CDH13: variants seen among roughly 807,000 people sequenced by gnomAD.
The protein encoded by CDH13 is cadherin 13.
In CDH13, 24 loss-of-function variants were observed where a neutral mutation model predicts 63.8. The observed-to-expected ratio is 0.38, with a 90% CI of 0.27 to 0.53. CDH13 has a LOEUF of 0.53. Among genes scored for constraint, CDH13 ranks in the 20% least tolerant of loss-of-function variants. The probability of loss-of-function intolerance (pLI) is 0.85; values close to 1 mark genes in which losing one functional copy is unlikely to be tolerated. For synonymous variants in CDH13, 503 were observed against 355.3 expected, an observed-to-expected ratio of 1.42 and a Z score of -4.67; for missense variants, 1,049 against 903.1, an observed-to-expected ratio of 1.16 and a Z score of -2.07.
chr16:83,560,105 A>T (rs1277514590), intron 7 of CDH13, among the ~76,000 whole-genome samples: 1 of 152,094 alleles, frequency 6.6e-6, no homozygotes, highest in Non-Finnish European at 1.5e-5. Flanking sequence ...TTATGTGATG[A>T]ATACGTATTG....
At chr16:83,103,818 C>T (rs1012094624) in intron 3 of CDH13, among the ~76,000 whole-genome samples, 2 of 152,176 alleles carry the variant, frequency 1.3e-5, no homozygotes, top group Admixed American at 6.5e-5. Flanking sequence ...AAAATGCACA[C>T]AGTAAGTGCT....
At chr16:83,493,991 G>A (rs547601818) in intron 7 of CDH13, among the ~76,000 whole-genome samples, 1 of 152,162 alleles carries the variant, frequency 6.6e-6, no homozygotes, top group South Asian at 2.1e-4. Context: ...CAGTCCGTAG[G>A]TATTTTCTTT....
chr16:82,674,426 G>T (rs1416862763), intron 1 of CDH13, among the ~76,000 whole-genome samples: 1 of 152,214 alleles, frequency 6.6e-6, no homozygotes, highest in East Asian at 1.9e-4. Context: ...AGGGGCATGA[G>T]AAGTGTTAGC....
At chr16:83,436,368 G>A (rs1433293911) in intron 6 of CDH13, among the ~76,000 whole-genome samples, 1 of 152,132 alleles carries the variant, frequency 6.6e-6, no homozygotes, top group South Asian at 2.1e-4. Flanking sequence ...TCTCTCTAGA[G>A]GCTGGAGAGG....
At chr16:83,480,554 G>A (rs950417995) in intron 6 of CDH13, among the ~76,000 whole-genome samples, 4 of 152,164 alleles carry the variant, frequency 2.6e-5, no homozygotes, top group African/African-American at 9.7e-5. Context: ...CCAGTTGAGT[G>A]AATGGCTGTA....
At chr16:83,387,607 G>A (rs1349436248) in intron 6 of CDH13, among the ~76,000 whole-genome samples, 5 of 152,212 alleles carry the variant, frequency 3.3e-5, no homozygotes, top group Non-Finnish European at 7.3e-5. Context: ...TTCATTAAGA[G>A]CTACAAAATT....
chr16:82,743,896 G>A (rs965287842), intron 1 of CDH13, among the ~76,000 whole-genome samples: 16 of 152,260 alleles, frequency 1.1e-4, no homozygotes, highest in Middle Eastern at 3.4e-3. Flanking sequence ...TTTTTTACAG[G>A]AAATTTTGAA....
intron 7 of CDH13, among the ~76,000 whole-genome samples, chr16:83,573,248 A>G (rs1429745738): frequency 6.6e-6 from 1 of 152,212 alleles, no homozygotes; most frequent in Admixed American, 6.5e-5. Context: ...GTGGCTTCCA[A>G]CAAGTGAACT....
intron 2 of CDH13, among the ~76,000 whole-genome samples, chr16:82,981,121 A>G (rs1195550259): frequency 6.6e-6 from 1 of 152,120 alleles, no homozygotes; most frequent in Non-Finnish European, 1.5e-5. Flanking sequence ...CTATGGGAAT[A>G]TTTTCCATTG....
At chr16:83,170,248 G>C (rs1439588117) in intron 4 of CDH13, among the ~76,000 whole-genome samples, 1 of 151,856 alleles carries the variant, frequency 6.6e-6, no homozygotes, top group Non-Finnish European at 1.5e-5. Context: ...ATTATTTTTT[G>C]CTTTGATTTT....
intron 3 of CDH13, among the ~76,000 whole-genome samples, chr16:83,045,634 T>TAAAAAAAAAAAAAAAAAAAA (rs71382861): frequency 9.3e-5 from 10 of 107,914 alleles, no homozygotes; most frequent in African/African-American, 3.3e-4. Flanking sequence ...AAGATTCCTT[T>TAAAAAAAAAAAAAAAAAAAA]AAAAAAAAAA....
chr16:83,437,862 A>G (rs916339344), intron 6 of CDH13, among the ~76,000 whole-genome samples: 1 of 152,154 alleles, frequency 6.6e-6, no homozygotes, highest in African/African-American at 2.4e-5. Flanking sequence ...AGAAAAAGCA[A>G]ATAAAGATTA....
intron 3 of CDH13, among the ~76,000 whole-genome samples, chr16:83,052,336 A>T (rs1298241855): frequency 6.6e-6 from 1 of 152,254 alleles, no homozygotes; most frequent in Admixed American, 6.5e-5. Flanking sequence ...AATAAGATGT[A>T]AGATTAACAA....
chr16:83,201,101 C>G (rs945661450), intron 4 of CDH13, among the ~76,000 whole-genome samples: 1 of 152,240 alleles, frequency 6.6e-6, no homozygotes, highest in South Asian at 2.1e-4. Flanking sequence ...ATTTTGAAAC[C>G]AGGGTAGCTG....
intron 11 of CDH13, among the ~76,000 whole-genome samples, chr16:83,770,814 ACTGCAAC>A (rs1324772720): frequency 6.6e-6 from 1 of 152,126 alleles, no homozygotes; most frequent in Non-Finnish European, 1.5e-5. Context: ...CAGCTTCTGT[ACTGCAAC>A]CTGTTTTATC....
intron 13 of CDH13, chr16:83,789,956 A>G (rs1316456267): frequency 6.6e-6 from 1 of 151,940 alleles, no homozygotes; most frequent in African/African-American, 2.4e-5. Context: ...GGCCCTTCCC[A>G]CTTCAAAGCA....
At chr16:83,535,906 GA>G (rs1037315405) in intron 7 of CDH13, among the ~76,000 whole-genome samples, 11 of 147,570 alleles carry the variant, frequency 7.5e-5, no homozygotes, top group East Asian at 4.0e-4. Context: ...AAAAGAAAAG[GA>G]AAAAAAGGAA....
intron 2 of CDH13, among the ~76,000 whole-genome samples, chr16:83,005,730 G>C (rs1386006351): frequency 6.6e-6 from 1 of 152,218 alleles, no homozygotes; most frequent in Non-Finnish European, 1.5e-5. Flanking sequence ...CAACAAGAGA[G>C]CTAGGCTTTT....
At chr16:82,864,264 A>G (rs973982544) in intron 2 of CDH13, among the ~76,000 whole-genome samples, 1 of 152,220 alleles carries the variant, frequency 6.6e-6, no homozygotes, top group African/African-American at 2.4e-5. Context: ...ACTCCTGTCC[A>G]TGTTGACAAA....
Sources: allele counts gnomAD v4.1 joint callset (sites outside exome capture counted in the v4.1 genomes callset), GRCh38; gene constraint gnomAD v4.1.1; transcripts MANE v1.5; gene names NCBI Gene and HGNC (gene_info 2026-07-23, HGNC 2026-07-21).